The following ADCY8 variants were observed in gnomAD, a reference collection of about 807,000 sequenced individuals.
ADCY8 encodes the protein adenylate cyclase 8.
ADCY8 carries 51 observed loss-of-function variants against 119.7 expected under a neutral mutation model. That is an observed-to-expected ratio of 0.43 (90% confidence interval 0.34 to 0.54). The LOEUF is 0.54. ADCY8 is among the 20% of genes least tolerant of loss of function. The probability of loss-of-function intolerance (pLI) is 0.03; values close to 1 mark genes in which losing one functional copy is unlikely to be tolerated. For synonymous variants in ADCY8, 665 were observed against 651.0 expected, an observed-to-expected ratio of 1.02 and a Z score of -0.33; for missense variants, 1,383 against 1,598.8, an observed-to-expected ratio of 0.87 and a Z score of 2.30.
Position 131,040,347 on chromosome 8 carries a change from A to G in ADCY8, c.-14T>C, listed in dbSNP as rs769351712. ...GGAGAGCTCCATGGCTCTGGGCCGC[A>G]GGGAAGGAGGCCCAGAACCTTGGGG... On this transcript the variant is annotated 5_prime_UTR_variant, in exon 1 of 18. Coordinates refer to ENST00000286355, the MANE Select transcript of ADCY8 (RefSeq NM_001115.3). 1.4e-5 allele frequency: 20 copies of G among 1,475,044 alleles called. No individual in the cohort carries two copies. The Middle Eastern group carries it at 1.0e-3, about 74-fold the overall frequency. 91.4% of individuals were successfully genotyped at this position (1,475,044 alleles called of 1,614,324 possible).
At chr8:130,803,829 C>T (rs561110082) in intron 14 of ADCY8, among the ~76,000 whole-genome samples, 1 of 152,230 alleles carries the variant, frequency 6.6e-6, no homozygotes, top group Non-Finnish European at 1.5e-5. Flanking sequence ...GATGGTGTCA[C>T]TGATTCATCA....
intron 17 of ADCY8, among the ~76,000 whole-genome samples, chr8:130,782,091 C>T (rs531523539): frequency 2.2e-4 from 34 of 151,852 alleles, no homozygotes; most frequent in Non-Finnish European, 4.1e-4. Flanking sequence ...GAGTATATCT[C>T]GGAGTAAGGA....
chr8:130,965,398 G>T (rs1331077367), intron 2 of ADCY8, among the ~76,000 whole-genome samples: 1 of 152,150 alleles, frequency 6.6e-6, no homozygotes, highest in African/African-American at 2.4e-5. Flanking sequence ...CTGACTGGGT[G>T]ACAAGATCAG....
At chr8:130,862,560 C>T (rs930020361) in intron 9 of ADCY8, among the ~76,000 whole-genome samples, 23 of 152,180 alleles carry the variant, frequency 1.5e-4, no homozygotes, top group African/African-American at 5.3e-4. Flanking sequence ...CTACAGACGC[C>T]GGCCACCACG....
chr8:130,979,021 T>C (rs528924107), intron 2 of ADCY8, among the ~76,000 whole-genome samples: 12 of 152,276 alleles, frequency 7.9e-5, no homozygotes, highest in African/African-American at 2.9e-4. Flanking sequence ...GGTCTAATGC[T>C]GGTTGGGGCG....
intron 12 of ADCY8, among the ~76,000 whole-genome samples, chr8:130,827,452 C>T (rs754155345): frequency 6.6e-6 from 1 of 152,192 alleles, no homozygotes; most frequent in Non-Finnish European, 1.5e-5. Flanking sequence ...TCTATGTAAA[C>T]ATCATACCTG....
rs188297804 is a variant in ADCY8, at chr8:131,039,614, C to G, written c.720G>C (p.Thr240=). 77 of 1,614,050 alleles carry G rather than the reference C, an allele frequency of 4.8e-5. No individual in the cohort carries two copies. The highest frequency in any genetic ancestry group is 8.3e-5 in the Admixed American group (5 of 60,028). ...VVVRKDTTSH[T]YLQYSGVVTW... ...TGACCACGCCGCTGTACTGCAGGTA[C>G]GTGTGGGAGGTGGTGTCCTTCCTGA... The change falls in exon 1 of 18, where the codon ACG becomes ACC. Residue 240 remains threonine (T), a synonymous_variant. Coordinates refer to ENST00000286355, the MANE Select transcript of ADCY8 (RefSeq NM_001115.3).
At position 130,886,674 on chromosome 8, in the gene ADCY8, A is replaced by G. The variant is rs553487070; in HGVS notation, c.1912-1913T>C. Among the ~76,000 whole-genome samples, 77 of 152,214 alleles carry G rather than the reference A, an allele frequency of 5.1e-4. 1 individual carries two copies. Among genetic ancestry groups the G allele is most frequent in the African/African-American group, 1.8e-3 (76 of 41,542 alleles). On this transcript the variant is annotated intron_variant, in intron 7 of 17. Transcript: ENST00000286355. ...CCTTGGGATGCCAGGGTGCCCTCGTAAGTGCTTGGAGCTGGGGTCTAACAG... is the reference window on the plus strand; with the variant it reads ...CCTTGGGATGCCAGGGTGCCCTCGTGAGTGCTTGGAGCTGGGGTCTAACAG...
intron 2 of ADCY8, among the ~76,000 whole-genome samples, chr8:130,953,650 C>T (rs1821340781): frequency 6.6e-6 from 1 of 152,118 alleles, no homozygotes; most frequent in African/African-American, 2.4e-5. Context: ...TCTTTCTGTG[C>T]CTTAGTTCCC....
intron 9 of ADCY8, among the ~76,000 whole-genome samples, chr8:130,859,644 C>T (rs1465240161): frequency 1.3e-5 from 2 of 152,138 alleles, no homozygotes; most frequent in Non-Finnish European, 2.9e-5. Flanking sequence ...CCCTAAACTC[C>T]TAAATAAAAT....
intron 4 of ADCY8, among the ~76,000 whole-genome samples, chr8:130,939,725 A>G (rs974218195): frequency 6.6e-6 from 1 of 152,210 alleles, no homozygotes; most frequent in Non-Finnish European, 1.5e-5. Context: ...TCTTGTCCTT[A>G]ATACACAACA....
intron 1 of ADCY8, among the ~76,000 whole-genome samples, chr8:131,008,112 A>AT (rs1461064830): frequency 6.6e-6 from 1 of 152,170 alleles, no homozygotes; most frequent in Non-Finnish European, 1.5e-5. Context: ...TCTAAACCTC[A>AT]TTTTTCATAA....
intron 13 of ADCY8, among the ~76,000 whole-genome samples, chr8:130,815,173 T>C (rs968992517): frequency 6.6e-6 from 1 of 152,234 alleles, no homozygotes; most frequent in Non-Finnish European, 1.5e-5. Flanking sequence ...GCCAGCCATC[T>C]GCAAGCCAAA....
intron 3 of ADCY8, among the ~76,000 whole-genome samples, chr8:130,948,243 C>T (rs896722912): frequency 6.6e-6 from 1 of 152,174 alleles, no homozygotes; most frequent in Non-Finnish European, 1.5e-5. Context: ...TAGCATTACC[C>T]TAATGAATAC....
At chr8:130,878,945 CT>C (rs1277208259) in intron 8 of ADCY8, among the ~76,000 whole-genome samples, 2 of 152,062 alleles carry the variant, frequency 1.3e-5, no homozygotes, top group African/African-American at 4.8e-5. Flanking sequence ...ATGTCTTAAT[CT>C]TTATTCAAGA....
At chr8:130,786,380 T>C (rs1306594358) in intron 15 of ADCY8, among the ~76,000 whole-genome samples, 4 of 152,184 alleles carry the variant, frequency 2.6e-5, no homozygotes, top group East Asian at 1.9e-4. Flanking sequence ...TATTTAGCAA[T>C]GGTGGTAGGC....
chr8:130,801,867 G>A (rs567436255), intron 14 of ADCY8, among the ~76,000 whole-genome samples: 8 of 137,238 alleles, frequency 5.8e-5, no homozygotes, highest in African/African-American at 2.1e-4. Context: ...GATGTCCTTT[G>A]CTTTTCTCAT....
chr8:130,868,852 G>T (rs186564864), intron 8 of ADCY8, among the ~76,000 whole-genome samples: 1 of 152,248 alleles, frequency 6.6e-6, no homozygotes, highest in African/African-American at 2.4e-5. Flanking sequence ...GCATTTCATG[G>T]TTACTTCAAA....
At chr8:130,845,677 G>A (rs1817274398) in intron 11 of ADCY8, among the ~76,000 whole-genome samples, 1 of 152,142 alleles carries the variant, frequency 6.6e-6, no homozygotes, top group Admixed American at 6.5e-5. Context: ...GGGAGTCCCA[G>A]GGCACATGGT....
Sources: allele counts gnomAD v4.1 joint callset (sites outside exome capture counted in the v4.1 genomes callset), GRCh38; gene constraint gnomAD v4.1.1; transcripts MANE v1.5; gene names NCBI Gene and HGNC (gene_info 2026-07-23, HGNC 2026-07-21).